ABCC1: variants seen among roughly 807,000 people sequenced by gnomAD.
ABCC1 encodes multidrug resistance-associated protein 1.
Under a neutral mutation model 172.9 loss-of-function variants are expected in ABCC1, and 83 were observed. That is an observed-to-expected ratio of 0.48 (90% confidence interval 0.40 to 0.58). The LOEUF (loss-of-function observed/expected upper bound fraction) is 0.58, where lower values mean the gene tolerates loss of function less well. Ranked by LOEUF, ABCC1 falls within the 20% of genes least tolerant of loss-of-function variation. ABCC1 has a pLI of 0.00. For synonymous variants in ABCC1, 937 were observed against 825.2 expected (o/e 1.14, Z -2.32); for missense variants, 1,817 against 2,002.7 (o/e 0.91, Z 1.77).
rs202167272 is a variant in ABCC1, at chr16:16,136,619, T to A, written c.4267T>A (p.Cys1423Ser). The change falls in exon 29 of 31, where the codon TGT (cysteine) becomes AGT (serine). Residue 1423 changes from cysteine to serine, a missense_variant. Cys to Ser is a moderately radical substitution (Grantham distance 112). Coordinates refer to ENST00000399410, the MANE Select transcript of ABCC1 (RefSeq NM_004996.4). ...CCTTCCTGACAAGCTAGACCATGAATGTGCAGAAGGCGGGGAGAACCTCAG... is the reference window on the plus strand; with the variant it reads ...CCTTCCTGACAAGCTAGACCATGAAAGTGCAGAAGGCGGGGAGAACCTCAG... ...SALPDKLDHE[C>S]AEGGENLSVG... The A allele has an allele frequency of 5.7e-4, 925 of 1,614,048 alleles. 1 individual carries two copies. Among genetic ancestry groups the A allele is most frequent in the Non-Finnish European group, 7.3e-4 (858 of 1,180,002 alleles).
At chr16:15,992,877 G>C (rs1964657) in intron 1 of ABCC1, among the ~76,000 whole-genome samples, 16,615 of 152,030 alleles carry the variant, frequency 0.11, 987 homozygotes, top group Middle Eastern at 0.15. Flanking sequence ...TAGCTCATTG[G>C]TGCAGCCATA....
At position 16,007,909 on chromosome 16, in the gene ABCC1, G is replaced by A. The variant is rs769771635; in HGVS notation, c.142G>A (p.Ala48Thr). 20 of 1,612,784 alleles carry A rather than the reference G, an allele frequency of 1.2e-5. No individual in the cohort carries two copies. In the East Asian group the frequency reaches 1.6e-4, roughly 13 times the overall value. Reference protein sequence around the residue: ...LVWVPCFYLWACFPFYFLYLS... With the variant: ...LVWVPCFYLWTCFPFYFLYLS... ...GTGGGTGCCTTGTTTTTACCTCTGG[G>A]CCTGTTTCCCCTTCTACTTCCTCTA... The change falls in exon 2 of 31, where the codon GCC becomes ACC. Residue 48 changes from alanine to threonine, a missense_variant. Transcript: ENST00000399410.
At chr16:16,041,353 T>G (rs1316796262) in intron 7 of ABCC1, among the ~76,000 whole-genome samples, 1 of 152,168 alleles carries the variant, frequency 6.6e-6, no homozygotes, top group Non-Finnish European at 1.5e-5. Context: ...TTTTATTTAT[T>G]CATCTGTACA....
chr16:16,117,196 TCA>T (rs2044923005), intron 23 of ABCC1, among the ~76,000 whole-genome samples: 1 of 152,192 alleles, frequency 6.6e-6, no homozygotes, highest in Non-Finnish European at 1.5e-5. Flanking sequence ...TTTAATTGAC[TCA>T]CAGTTCCGCA....
rs1345789288 is a variant in ABCC1, at chr16:16,058,316, C to CA, written c.1677+2022dup. Among the ~76,000 whole-genome samples the CA allele has an allele frequency of 1.6e-4, 24 of 152,262 alleles. 1 individual carries two copies. The highest frequency in any genetic ancestry group is 1.0e-3 in the Admixed American group (16 of 15,286). On this transcript the variant is annotated intron_variant, in intron 12 of 30. Coordinates refer to ENST00000399410, the MANE Select transcript of ABCC1 (RefSeq NM_004996.4). ...CTTTCTGTCTTTTTATTAACTGTGTCATTCTTTTTGTAATGTTGTGCTCAT... is the reference window on the plus strand; with the variant it reads ...CTTTCTGTCTTTTTATTAACTGTGTCAATTCTTTTTGTAATGTTGTGCTCAT...
intron 1 of ABCC1, among the ~76,000 whole-genome samples, chr16:15,950,023 G>T (rs1034495217): frequency 6.6e-6 from 1 of 152,084 alleles, no homozygotes; most frequent in African/African-American, 2.4e-5. Context: ...GGGGGGCCGC[G>T]TGCCCAGCCC....
At chr16:16,041,176 C>T (rs1759242066) in intron 7 of ABCC1, among the ~76,000 whole-genome samples, 1 of 151,462 alleles carries the variant, frequency 6.6e-6, no homozygotes, top group Non-Finnish European at 1.5e-5. Context: ...AAGCAGTCCA[C>T]CTACCTTGGT....
rs368794890 is a variant in ABCC1, at chr16:16,122,080, C to T, written c.3496C>T (p.Arg1166Ter). Reference protein sequence around the residue: ...NETLLGVSVIRAFEEQERFIH... With the variant: ...NETLLGVSVI ...GACCTTGCTGGGGGTCAGCGTCATTCGAGCCTTCGAGGAGCAGGAGCGCTT... is the reference window on the plus strand; with the variant it reads ...GACCTTGCTGGGGGTCAGCGTCATTTGAGCCTTCGAGGAGCAGGAGCGCTT... Residue 1166 changes from arginine (R) to a stop codon, truncating the protein, a stop_gained, in exon 24 of 31, where the codon CGA becomes TGA. Transcript: ENST00000399410. LOFTEE classifies it high-confidence loss of function. 4 of 1,614,156 alleles carry T rather than the reference C, an allele frequency of 2.5e-6. No homozygotes were observed. The highest frequency in any genetic ancestry group is 1.3e-5 in the African/African-American group (1 of 75,032).
intron 19 of ABCC1, among the ~76,000 whole-genome samples, chr16:16,095,981 G>A (rs1567398488): frequency 6.6e-6 from 1 of 152,056 alleles, no homozygotes; most frequent in East Asian, 1.9e-4. Context: ...AGAGTACAAA[G>A]AATCAGGAAA....
chr16:16,107,290 TTTAA>T (rs1301657763), intron 21 of ABCC1, among the ~76,000 whole-genome samples: 1 of 152,148 alleles, frequency 6.6e-6, no homozygotes, highest in African/African-American at 2.4e-5. Flanking sequence ...CATTTCTTTT[TTTAA>T]TTTTTATTTT....
intron 26 of ABCC1, among the ~76,000 whole-genome samples, chr16:16,129,123 G>A (rs2045569321): frequency 6.6e-6 from 1 of 152,154 alleles, no homozygotes; most frequent in Admixed American, 6.5e-5. Context: ...TTTCCCGTGT[G>A]GATTCCCACA....
chr16:15,985,535 C>T (rs994744904), intron 1 of ABCC1, among the ~76,000 whole-genome samples: 1 of 152,104 alleles, frequency 6.6e-6, no homozygotes, highest in African/African-American at 2.4e-5. Context: ...TCTTCCGCCT[C>T]CTGGGTTCAA....
intron 28 of ABCC1, among the ~76,000 whole-genome samples, chr16:16,136,027 T>C (rs530746519): frequency 8.0e-4 from 108 of 134,420 alleles, no homozygotes; most frequent in South Asian, 2.4e-4. Context: ...TTTTTTTTTT[T>C]CCATTATTAA....
chr16:16,056,329 GT>G (rs1176808133), intron 12 of ABCC1, 34 bp downstream of exon 12: 2 of 1,610,584 alleles, frequency 1.2e-6, no homozygotes, highest in Admixed American at 1.7e-5. Context: ...GGCCCTCATT[GT>G]TTGATGTTTT....
chr16:16,054,357 C>T (rs978404494), intron 11 of ABCC1, among the ~76,000 whole-genome samples: 3 of 152,056 alleles, frequency 2.0e-5, no homozygotes, highest in Non-Finnish European at 4.4e-5. Flanking sequence ...GATTTTTGTC[C>T]TTTAGCGCCC....
intron 5 of ABCC1, among the ~76,000 whole-genome samples, chr16:16,021,087 G>A (rs1019570501): frequency 1.3e-5 from 2 of 152,144 alleles, no homozygotes; most frequent in Non-Finnish European, 2.9e-5. Context: ...CCAGGCACAC[G>A]GTGGGCCTGT....
At chr16:16,091,327 G>A (rs539886533) in intron 19 of ABCC1, among the ~76,000 whole-genome samples, 1 of 150,616 alleles carries the variant, frequency 6.6e-6, no homozygotes, top group Admixed American at 6.7e-5. Flanking sequence ...CACTTTGGGA[G>A]GCCGTGGTGG....
intron 1 of ABCC1, among the ~76,000 whole-genome samples, chr16:15,993,575 C>T (rs1170152111): frequency 2.0e-5 from 3 of 152,110 alleles, no homozygotes; most frequent in South Asian, 2.1e-4. Context: ...CGACGCCACT[C>T]AGTATCTTAC....
intron 3 of ABCC1, among the ~76,000 whole-genome samples, chr16:16,013,879 T>G: frequency 6.6e-6 from 1 of 151,696 alleles, no homozygotes; most frequent in African/African-American, 2.4e-5. Context: ...AACTTGAGAG[T>G]TGTGTGTGGC....
Sources: allele counts gnomAD v4.1 joint callset (sites outside exome capture counted in the v4.1 genomes callset), GRCh38; gene constraint gnomAD v4.1.1; transcripts MANE v1.5; gene names NCBI Gene and HGNC (gene_info 2026-07-23, HGNC 2026-07-21).